PDIA2: variants seen among roughly 807,000 people sequenced by gnomAD.
PDIA2 encodes the protein protein disulfide-isomerase A2.
A neutral mutation model predicts 51.1 loss-of-function variants in PDIA2; 76 were observed. The ratio of observed to expected loss-of-function variants is 1.49; its 90% CI spans 1.24 to 1.80. The LOEUF is 1.80. Ranked by LOEUF, PDIA2 falls within the 40% of genes most tolerant of loss-of-function variation. PDIA2 has a pLI of 0.00. For missense variants in PDIA2, 946 were observed against 706.5 expected (o/e 1.34, Z -3.84); for synonymous variants, 429 against 309.9 (o/e 1.38, Z -4.04).
At position 283,380 on chromosome 16, in the gene PDIA2, G is replaced by A. The variant is rs374067803; in HGVS notation, c.199+12G>A. ...GCTGGTGGAATTCTGTGAGTGCTGG[G>A]GCCAGTGGGGCTGGGGACCGGCGGG... On this transcript the variant is annotated intron_variant, in intron 1 of 10. Transcript: ENST00000219406. 351 of 1,570,424 alleles carry A rather than the reference G, an allele frequency of 2.2e-4. 1 individual carries two copies. Among genetic ancestry groups the A allele is most frequent in the Non-Finnish European group, 2.9e-4 (335 of 1,158,958 alleles).
At position 287,101 on chromosome 16, in the gene PDIA2, G is replaced by A. The variant is rs568762499; in HGVS notation, c.1566G>A (p.Lys522=). Residue 522 remains lysine (K), a synonymous_variant, in exon 11 of 11, where the codon AAG becomes AAA. Coordinates refer to ENST00000219406, the MANE Select transcript of PDIA2 (RefSeq NM_006849.4). The part of the protein sequence containing the change: ...EPPANSTMGS[K]EEL Reference sequence around the variant, plus strand: ...CGGCCAACTCCACTATGGGGTCCAAGGAGGAACTGTAGCTGCCCCCGTGTC... The same window carrying A: ...CGGCCAACTCCACTATGGGGTCCAAAGAGGAACTGTAGCTGCCCCCGTGTC... 16 of 1,612,796 alleles carry A rather than the reference G, an allele frequency of 9.9e-6. No individual in the cohort carries two copies. The African/African-American group carries it at 1.5e-4, about 15-fold the overall frequency.
chr16:285,319 C>T lies in PDIA2; in HGVS notation c.803C>T (p.Ala268Val). 6.2e-7 allele frequency: 1 copy of T among 1,612,868 alleles called. No homozygotes were observed. Among genetic ancestry groups the T allele is most frequent in the Non-Finnish European group, 8.5e-7 (1 of 1,179,878 alleles). Residue 268 changes from alanine to valine, a missense_variant, in exon 6 of 11, where the codon GCC (alanine) becomes GTC (valine). Ala to Val is a moderately conservative substitution (Grantham distance 64). Coordinates refer to ENST00000219406, the MANE Select transcript of PDIA2 (RefSeq NM_006849.4). ...GCACCCTCCCTACTGTAGACGTCTG[C>T]CAAGATCTTCGCGGCCAGGATCCTC... Reference protein sequence around the residue: ...LVTEFNSQTSAKIFAARILNH... With the variant: ...LVTEFNSQTSVKIFAARILNH...
rs548990264 is a variant in PDIA2 at position 284,375 on chromosome 16, C to G, written c.200-12C>G. The G allele has an allele frequency of 4.5e-5, 69 of 1,544,256 alleles. 1 individual carries two copies. Among genetic ancestry groups the G allele is most frequent in the Middle Eastern group, 4.5e-4 (2 of 4,470 alleles). The stretch of plus-strand genomic sequence containing the variant: ...TGTGGTGGCCTGGGGCACTCACGGC[C>G]CCATCCCCCAGATGCCCCGTGGTGT... On this transcript the variant is annotated splice_polypyrimidine_tract_variant and intron_variant, in intron 1 of 10. Transcript: ENST00000219406.
At chr16:286,041 CCAACCCCAACCT>C (rs1211972944) in intron 7 of PDIA2, among the ~76,000 whole-genome samples, 31 of 117,904 alleles carry the variant, frequency 2.6e-4, no homozygotes, top group African/African-American at 1.1e-3. Flanking sequence ...CGCGGTTCTC[CCAACCCCAACCT>C]CAACCCCAAC....
rs78836959 is a variant in PDIA2, at chr16:283,612, G to A, written c.199+244G>A. On this transcript the variant is annotated intron_variant, in intron 1 of 10. Coordinates refer to ENST00000219406, the MANE Select transcript of PDIA2 (RefSeq NM_006849.4). ...TGAGAACACCTGTGCCTCCCTGCTC[G>A]GCCAGCGGCCACGGTGCCAGAGTCA... is the stretch of plus-strand genomic sequence containing the variant. Among the ~76,000 whole-genome samples the A allele has an allele frequency of 4.8e-3, 729 of 152,334 alleles. 5 individuals are homozygous for A. The highest frequency in any genetic ancestry group is 0.016 in the African/African-American group (673 of 41,558).
chr16:283,798 A>C (rs938022241), intron 1 of PDIA2, among the ~76,000 whole-genome samples: 1 of 152,158 alleles, frequency 6.6e-6, no homozygotes, highest in Non-Finnish European at 1.5e-5. Context: ...CTTGCCTAGG[A>C]GGCCTTCACA....
Position 286,465 on chromosome 16 carries a change from T to A in PDIA2, c.1232T>A (p.Val411Asp), listed in dbSNP as rs1567251674. ...TTTGACGAAACCAAGAATGTGTTTG[T>A]CAAGTTCTGTGAGTGTTGAGGGAGG... is the stretch of plus-strand genomic sequence containing the variant. ...VAFDETKNVFVKFYAPWCTHC... is the reference protein window; with the variant it reads ...VAFDETKNVFDKFYAPWCTHC... Residue 411 changes from valine (V) to aspartate (D), a missense_variant, in exon 8 of 11, where the codon GTC becomes GAC. Physicochemically the swap from Val to Asp is radical, Grantham distance 152 (BLOSUM62 -3). Coordinates refer to ENST00000219406, the MANE Select transcript of PDIA2 (RefSeq NM_006849.4). The A allele has an allele frequency of 6.2e-7, 1 of 1,612,930 alleles. No individual in the cohort carries two copies. The highest frequency in any genetic ancestry group is 8.5e-7 in the Non-Finnish European group (1 of 1,179,840).
At position 286,728 on chromosome 16, in the gene PDIA2, G is replaced by T; in HGVS notation, c.1415G>T (p.Gly472Val). Residue 472 changes from glycine (G) to valine (V), a missense_variant, in exon 9 of 11, where the codon GGT becomes GTT. Coordinates refer to ENST00000219406, the MANE Select transcript of PDIA2 (RefSeq NM_006849.4). Reference protein sequence around the residue: ...PTLKYFPAGPGRKVIEYKSTR... With the variant: ...PTLKYFPAGPVRKVIEYKSTR... ...CTCAAGTACTTCCCAGCAGGGCCAG[G>T]TCGGAAGGTATGGCGGACAGGTGGC... is the stretch of plus-strand genomic sequence containing the variant. 4.3e-6 allele frequency: 7 copies of T among 1,612,896 alleles called. No individual in the cohort carries two copies. Among genetic ancestry groups the T allele is most frequent in the Non-Finnish European group, 5.9e-6 (7 of 1,179,970 alleles).
At position 285,655 on chromosome 16, in the gene PDIA2, A is replaced by G. The variant is rs1465705901; in HGVS notation, c.1071A>G (p.Ala357=). ...YAPVDGGPVT[A]ASITAFCHAV... is the part of the protein sequence containing the mutation. ...CTGTGGATGGGGGCCCTGTCACCGC[A>G]GCGTCCATCACTGCTTTCTGCCATG... Residue 357 remains alanine, a synonymous_variant, in exon 7 of 11, where the codon GCA becomes GCG. Coordinates refer to ENST00000219406, the MANE Select transcript of PDIA2 (RefSeq NM_006849.4). The G allele has an allele frequency of 4.3e-6, 7 of 1,613,148 alleles. No homozygotes were observed. Among genetic ancestry groups the G allele is most frequent in the Admixed American group, 1.7e-5 (1 of 59,984 alleles).
rs202221434 is a variant in PDIA2 at position 283,246 on chromosome 16, C to T, written c.77C>T (p.Ala26Val). 529 of 1,610,112 alleles carry T rather than the reference C, an allele frequency of 3.3e-4. No individual in the cohort carries two copies. The African/African-American group carries it at 6.2e-3, about 19-fold the overall frequency. Reference sequence around the variant, plus strand: ...TGCCCATGGGGTCAGGAACAGGGAGCGAGGAGCCCCTCGGAGGAGCCTCCA... The same window carrying T: ...TGCCCATGGGGTCAGGAACAGGGAGTGAGGAGCCCCTCGGAGGAGCCTCCA... ...ASCPWGQEQG[A>V]RSPSEEPPEE... The change falls in exon 1 of 11, where the codon GCG becomes GTG. Residue 26 changes from alanine (A) to valine (V), a missense_variant. By Grantham distance (64) the Ala-to-Val change is moderately conservative. Coordinates refer to ENST00000219406, the MANE Select transcript of PDIA2 (RefSeq NM_006849.4).
chr16:284,088 G>C (rs896789662), intron 1 of PDIA2: 8 of 468,584 alleles, frequency 1.7e-5, no homozygotes, highest in Non-Finnish European at 2.8e-5. Flanking sequence ...GGCTGGTCTC[G>C]AACTCCCAAC....
chr16:286,797 G>GCCCCACGTGTCCTCCAGAT, intron 9 of PDIA2, 38 bp from the exon 10 acceptor site: 4 of 1,611,668 alleles, frequency 2.5e-6, no homozygotes, highest in East Asian at 2.2e-5. Context: ...ATGGGGCTGG[G>GCCCCACGTGTCCTCCAGAT]CCCCACGTGT....
At chr16:284,246 A>AG in intron 1 of PDIA2, 141 bp from the exon 2 acceptor site, 1 of 826,604 alleles carries the variant, frequency 1.2e-6, no homozygotes, top group Admixed American at 2.2e-5. Flanking sequence ...GGCCACGAAG[A>AG]GGCACTGGTG....
At position 284,937 on chromosome 16, in the gene PDIA2, G is replaced by A. The variant is rs758307937; in HGVS notation, c.600G>A (p.Met200Ile). 1 of 1,613,210 alleles carries A rather than the reference G, an allele frequency of 6.2e-7. No homozygotes were observed. The highest frequency in any genetic ancestry group is 8.5e-7 in the Non-Finnish European group (1 of 1,179,964). Residue 200 changes from methionine to isoleucine, a missense_variant, in exon 4 of 11, where the codon ATG becomes ATA. Physicochemically the swap from Met to Ile is conservative, Grantham distance 10. Transcript: ENST00000219406. Reference sequence around the variant, plus strand: ...CCTTGGCCCAGGACGCCCTGGACATGACCTTTGGCCTCACAGACCGGCCGC... The same window carrying A: ...CCTTGGCCCAGGACGCCCTGGACATAACCTTTGGCCTCACAGACCGGCCGC... ...FLALAQDALD[M>I]TFGLTDRPRL...
In PDIA2 at chr16:287,056, T is replaced by G; in HGVS notation, c.1534-13T>G. The G allele has an allele frequency of 1.4e-5, 23 of 1,612,722 alleles. No individual in the cohort carries two copies. The highest frequency in any genetic ancestry group is 1.5e-5 in the Non-Finnish European group (18 of 1,179,954). On this transcript the variant is annotated splice_polypyrimidine_tract_variant and intron_variant, in intron 10 of 10. Transcript: ENST00000219406. ...GGAGCAGAGCTTCGAGCTGCACTTG[T>G]GACCCTTTCTAGGAGCCACCGGCCA... is the stretch of plus-strand genomic sequence containing the variant.
In PDIA2 at chr16:285,107, C is replaced by T; in HGVS notation, c.702C>T (p.Phe234=). The T allele has an allele frequency of 6.2e-7, 1 of 1,613,038 alleles. No homozygotes were observed. ...AGTTTGATGAGGGGCGGGCAGACTT[C>T]CCCGTGGACGAGGAGCTTGGCCTGG... ...FKKFDEGRAD[F]PVDEELGLDL... The change falls in exon 5 of 11, where the codon TTC becomes TTT. Residue 234 remains phenylalanine (F), a synonymous_variant. Coordinates refer to ENST00000219406, the MANE Select transcript of PDIA2 (RefSeq NM_006849.4).
rs984217306 is a variant in PDIA2 at position 283,420 on chromosome 16, C to T, written c.199+52C>T. The stretch of plus-strand genomic sequence containing the variant: ...GGACCGGCGGGGGACCGGCAGAGCC[C>T]ACCTGGGGGCCCCACCCTTTGCCGG... On this transcript the variant is annotated intron_variant, in intron 1 of 10. Transcript: ENST00000219406. The T allele has an allele frequency of 5.3e-6, 8 of 1,505,682 alleles. No homozygotes were observed. In the East Asian group the frequency reaches 9.4e-5, roughly 18 times the overall value. 93.3% of individuals were successfully genotyped at this position (1,505,682 alleles called of 1,614,324 possible). A position where few individuals can be genotyped will look rare whatever the true frequency, so the allele number is the denominator to read the frequency against.
rs201324374 is a variant in PDIA2, at chr16:285,382, C to T, written c.866C>T (p.Ala289Val). The T allele has an allele frequency of 3.6e-5, 58 of 1,612,478 alleles. 1 individual carries two copies. The African/African-American group carries it at 4.5e-4, about 13-fold the overall frequency. ...CTGTTTGTCAACCAGACGCTGGCTG[C>T]GCACCGGGAGCTCCTAGCGGGCTTT... ...LLLFVNQTLA[A>V]HRELLAGFGE... Residue 289 changes from alanine (A) to valine (V), a missense_variant, in exon 6 of 11, where the codon GCG (alanine) becomes GTG (valine). Physicochemically the swap from Ala to Val is moderately conservative, Grantham distance 64. Coordinates refer to ENST00000219406, the MANE Select transcript of PDIA2 (RefSeq NM_006849.4).
Position 285,605 on chromosome 16 carries a change from C to G in PDIA2, c.1021C>G (p.Leu341Val), listed in dbSNP as rs758345743. ...AGCCCCCACTCTGCGCTTGGTCAACCTTGAAACCACTAAGAAGTATGCGCC... is the reference window on the plus strand; with the variant it reads ...AGCCCCCACTCTGCGCTTGGTCAACGTTGAAACCACTAAGAAGTATGCGCC... ...EAAPTLRLVN[L>V]ETTKKYAPVD... is the part of the protein sequence containing the mutation. Residue 341 changes from leucine (L) to valine (V), a missense_variant, in exon 7 of 11, where the codon CTT (leucine) becomes GTT (valine). By Grantham distance (32) the Leu-to-Val change is conservative. Transcript: ENST00000219406. 6.2e-7 allele frequency: 1 copy of G among 1,613,332 alleles called. No homozygotes were observed. The highest frequency in any genetic ancestry group is 1.1e-5 in the South Asian group (1 of 91,080).
Sources: allele counts gnomAD v4.1 joint callset (sites outside exome capture counted in the v4.1 genomes callset), GRCh38; gene constraint gnomAD v4.1.1; transcripts MANE v1.5; gene names NCBI Gene and HGNC (gene_info 2026-07-23, HGNC 2026-07-21).